Variants in ECHDC1 observed in about 807,000 individuals in gnomAD.
ECHDC1 encodes ethylmalonyl-CoA decarboxylase 1.
Under a neutral mutation model 29.7 loss-of-function variants are expected in ECHDC1, and 29 were observed. The observed-to-expected ratio is 0.98, with a 90% CI of 0.73 to 1.33. The LOEUF (loss-of-function observed/expected upper bound fraction) is 1.33. Among genes scored for constraint, ECHDC1 ranks in the 40% most tolerant of loss-of-function variants. The pLI is 0.00. For missense variants in ECHDC1, 328 were observed against 350.0 expected, an observed-to-expected ratio of 0.94 and a Z score of 0.50; for synonymous variants, 126 against 123.1, an observed-to-expected ratio of 1.02 and a Z score of -0.15.
At chr6:127,342,931 T>A (rs1340862222) in intron 1 of ECHDC1, 4 of 152,370 alleles carry the variant, frequency 2.6e-5, no homozygotes, top group African/African-American at 9.6e-5. Flanking sequence ...AGACAACTTA[T>A]ACATAAAAGA....
At chr6:127,305,836 T>G (rs1781395152) in intron 5 of ECHDC1, among the ~76,000 whole-genome samples, 1 of 151,592 alleles carries the variant, frequency 6.6e-6, no homozygotes, top group Admixed American at 6.6e-5. Flanking sequence ...AGCAAGAAGC[T>G]AAATCAAATC....
At chr6:127,293,135 C>A (rs1400498806) in intron 5 of ECHDC1, among the ~76,000 whole-genome samples, 1 of 151,876 alleles carries the variant, frequency 6.6e-6, no homozygotes, top group Non-Finnish European at 1.5e-5. Context: ...GTTGATGATA[C>A]CAGGAAGGAC....
At chr6:127,325,190 A>G (rs933532057) in intron 3 of ECHDC1, among the ~76,000 whole-genome samples, 1 of 152,176 alleles carries the variant, frequency 6.6e-6, no homozygotes, top group Non-Finnish European at 1.5e-5. Context: ...TAATATGAGA[A>G]AAACACCAGA....
At chr6:127,342,161 C>A (rs966636974) in intron 1 of ECHDC1, among the ~76,000 whole-genome samples, 1 of 152,230 alleles carries the variant, frequency 6.6e-6, no homozygotes, top group African/African-American at 2.4e-5. Flanking sequence ...GCTCTCAGAA[C>A]ATCTGTATCT....
chr6:127,300,081 A>G (rs1562308050), intron 5 of ECHDC1, among the ~76,000 whole-genome samples: 1 of 152,170 alleles, frequency 6.6e-6, no homozygotes, highest in Non-Finnish European at 1.5e-5. Flanking sequence ...CAACAAAATC[A>G]CGTAATGACA....
Position 127,290,260 on chromosome 6 carries a change from C to A in ECHDC1, c.515G>T (p.Ser172Ile). 1.2e-6 allele frequency: 2 copies of A among 1,612,864 alleles called. No homozygotes were observed. Among genetic ancestry groups the A allele is most frequent in the Non-Finnish European group, 1.7e-6 (2 of 1,179,374 alleles). ...CTCTTTGTGGACGAATCTGATCTTA[C>A]TCTCTGGAGTCATTAACCTGTAAAA... is the stretch of plus-strand genomic sequence containing the variant. ...ACDFRLMTPE[S>I]KIRFVHKEMG... The change falls in exon 6 of 6, where the codon AGT becomes ATT. Residue 172 changes from serine (S) to isoleucine (I), a missense_variant. By Grantham distance (142) the Ser-to-Ile change is moderately radical (BLOSUM62 -2). Transcript: ENST00000454859.
intron 1 of ECHDC1, among the ~76,000 whole-genome samples, chr6:127,332,791 G>C (rs1200879175): frequency 3.3e-5 from 5 of 151,884 alleles, no homozygotes; most frequent in Non-Finnish European, 5.9e-5. Context: ...TTGCTTTTTG[G>C]GGGCAGGGGA....
chr6:127,315,584 G>T, intron 4 of ECHDC1: 1 of 238,824 alleles, frequency 4.2e-6, no homozygotes, highest in South Asian at 5.0e-5. Context: ...AAAGGTGCAG[G>T]TCTAAAGTAA....
At chr6:127,334,636 A>G (rs761700235) in intron 1 of ECHDC1, among the ~76,000 whole-genome samples, 3 of 152,094 alleles carry the variant, frequency 2.0e-5, no homozygotes, top group Non-Finnish European at 1.5e-5. Flanking sequence ...ATCTCTACAC[A>G]ATCAATACAG....
chr6:127,326,333 TAA>T (rs1382538355), intron 3 of ECHDC1, among the ~76,000 whole-genome samples: 3 of 152,210 alleles, frequency 2.0e-5, no homozygotes, highest in African/African-American at 4.8e-5. Context: ...ACCATAATCC[TAA>T]GTTTCCTGAG....
At chr6:127,324,488 C>T (rs1783123343) in intron 3 of ECHDC1, among the ~76,000 whole-genome samples, 1 of 152,138 alleles carries the variant, frequency 6.6e-6, no homozygotes, top group Non-Finnish European at 1.5e-5. Context: ...CTATTTTAGT[C>T]ACAGGTAGGC....
At chr6:127,292,626 T>C (rs1780289671) in intron 5 of ECHDC1, among the ~76,000 whole-genome samples, 1 of 152,018 alleles carries the variant, frequency 6.6e-6, no homozygotes, top group African/African-American at 2.4e-5. Context: ...TACAGGACTC[T>C]TTTAACCTAA....
Position 127,289,208 on chromosome 6 carries a change from G to A in ECHDC1, c.*661C>T, listed in dbSNP as rs1779897635. ...GTTTATTACTAGTTGGAAATTCCAGGGCACACAAATGAATGTCCAATTGTA... is the reference window on the plus strand; with the variant it reads ...GTTTATTACTAGTTGGAAATTCCAGAGCACACAAATGAATGTCCAATTGTA... On this transcript the variant is annotated 3_prime_UTR_variant, in exon 6 of 6. Coordinates refer to ENST00000454859, the MANE Select transcript of ECHDC1 (RefSeq NM_001002030.2). 1 of 151,924 alleles carries A rather than the reference G, an allele frequency of 6.6e-6. No individual in the cohort carries two copies. The highest frequency in any genetic ancestry group is 2.4e-5 in the African/African-American group (1 of 41,372). The allele number at this position is 151,924 out of a possible 1,614,324, so 9.4% of individuals were successfully genotyped here.
intron 3 of ECHDC1, among the ~76,000 whole-genome samples, chr6:127,317,046 C>G (rs2114626543): frequency 6.6e-6 from 1 of 152,178 alleles, no homozygotes; most frequent in South Asian, 2.1e-4. Flanking sequence ...TCTGCCTTAT[C>G]CCAAAATCTC....
chr6:127,305,744 G>A (rs996152790), intron 5 of ECHDC1, among the ~76,000 whole-genome samples: 50 of 151,894 alleles, frequency 3.3e-4, no homozygotes, highest in African/African-American at 1.2e-3. Flanking sequence ...TAAAATAATG[G>A]GTGATAAGAT....
intron 5 of ECHDC1, among the ~76,000 whole-genome samples, chr6:127,301,224 A>T (rs1562308876): frequency 6.6e-6 from 1 of 152,200 alleles, no homozygotes; most frequent in Non-Finnish European, 1.5e-5. Context: ...TTTCCGACAT[A>T]CGTATACATT....
At chr6:127,309,293 C>A (rs1781687260) in intron 5 of ECHDC1, among the ~76,000 whole-genome samples, 1 of 152,066 alleles carries the variant, frequency 6.6e-6, no homozygotes, top group African/African-American at 2.4e-5. Flanking sequence ...TACACATATA[C>A]AGGCAACTCA....
intron 5 of ECHDC1, among the ~76,000 whole-genome samples, chr6:127,310,514 T>C (rs951754320): frequency 2.6e-5 from 4 of 152,088 alleles, no homozygotes; most frequent in Admixed American, 6.5e-5. Flanking sequence ...GCAAGACAAT[T>C]GGAATTAGAA....
Position 127,289,997 on chromosome 6 carries a change from AT to A in ECHDC1, c.777del (p.Lys259AsnfsTer22). On this transcript the variant is annotated frameshift_variant, in exon 6 of 6. Coordinates refer to ENST00000454859, the MANE Select transcript of ECHDC1 (RefSeq NM_001002030.2). LOFTEE classifies it high-confidence loss of function. Reference sequence around the variant, plus strand: ...TATAGCTCTCTGCCTGAACAAACAGATTTTTTCAAAGCTCTAATTACTTCCG... The same window carrying A: ...TATAGCTCTCTGCCTGAACAAACAGATTTTTCAAAGCTCTAATTACTTCCG... ...GPPEVIRALK[K>X]SVCSGRELYL... is the part of the protein sequence containing the mutation. The A allele has an allele frequency of 6.2e-7, 1 of 1,613,644 alleles. No homozygotes were observed. The highest frequency in any genetic ancestry group is 8.5e-7 in the Non-Finnish European group (1 of 1,179,748).
Sources: allele counts gnomAD v4.1 joint callset (sites outside exome capture counted in the v4.1 genomes callset), GRCh38; gene constraint gnomAD v4.1.1; transcripts MANE v1.5; gene names NCBI Gene and HGNC (gene_info 2026-07-23, HGNC 2026-07-21).